Variants in STK32B observed in about 807,000 individuals in gnomAD.
The protein encoded by STK32B is serine/threonine kinase 32B, also known as serine/threonine-protein kinase 32B.
In STK32B, 43 loss-of-function variants were observed where a neutral mutation model predicts 52.6. That is an observed-to-expected ratio of 0.82 (90% CI 0.64 to 1.05). The LOEUF (loss-of-function observed/expected upper bound fraction) is 1.05, where lower values mean the gene tolerates loss of function less well. Ranked by LOEUF, STK32B falls within the 50% of genes least tolerant of loss-of-function variation. STK32B has a pLI of 0.00. For synonymous variants in STK32B, 238 were observed against 204.3 expected (o/e 1.17, Z -1.41); for missense variants, 621 against 534.6 (o/e 1.16, Z -1.59).
At chr4:5,099,521 G>A (rs534588567) in intron 1 of STK32B, among the ~76,000 whole-genome samples, 1 of 152,032 alleles carries the variant, frequency 6.6e-6, no homozygotes, top group Admixed American at 6.5e-5. Flanking sequence ...GGTGTGGCAG[G>A]GTTATGCCCA....
intron 5 of STK32B, among the ~76,000 whole-genome samples, chr4:5,403,031 G>T (rs1371734726): frequency 6.6e-6 from 1 of 152,204 alleles, no homozygotes; most frequent in Non-Finnish European, 1.5e-5. Flanking sequence ...CGTGGTCAGA[G>T]TGGATTTGTT....
chr4:5,253,073 A>T (rs4479644), intron 3 of STK32B, among the ~76,000 whole-genome samples: 38,653 of 151,882 alleles, frequency 0.25, 5,938 homozygotes, highest in African/African-American at 0.42. Flanking sequence ...CTTTCTTCCT[A>T]GGTTGTCAGG....
At chr4:5,158,659 G>C (rs954388829) in intron 2 of STK32B, among the ~76,000 whole-genome samples, 4 of 152,120 alleles carry the variant, frequency 2.6e-5, no homozygotes, top group African/African-American at 9.7e-5. Context: ...CAGTTCCGGA[G>C]GCTGAAGTCC....
intron 1 of STK32B, among the ~76,000 whole-genome samples, chr4:5,081,320 T>A (rs1195639978): frequency 6.6e-6 from 1 of 152,204 alleles, no homozygotes; most frequent in Non-Finnish European, 1.5e-5. Flanking sequence ...TTTTTAATAG[T>A]TTGATTGCAA....
At chr4:5,283,008 G>A (rs1728307782) in intron 3 of STK32B, among the ~76,000 whole-genome samples, 1 of 152,052 alleles carries the variant, frequency 6.6e-6, no homozygotes, top group Admixed American at 6.5e-5. Flanking sequence ...CTGTTCCATG[G>A]GTCTCAAAAC....
intron 3 of STK32B, among the ~76,000 whole-genome samples, chr4:5,253,005 C>T (rs59903427): frequency 0.029 from 4,392 of 152,196 alleles, 101 homozygotes; most frequent in South Asian, 0.045. Flanking sequence ...CTTACTCTTC[C>T]TAAGGGCTTG....
intron 4 of STK32B, among the ~76,000 whole-genome samples, chr4:5,360,800 C>T (rs1410277774): frequency 6.6e-6 from 1 of 152,076 alleles, no homozygotes; most frequent in African/African-American, 2.4e-5. Context: ...GAGCAAAACT[C>T]CGTCTCAAAC....
intron 3 of STK32B, among the ~76,000 whole-genome samples, chr4:5,323,539 A>C (rs1198834412): frequency 1.3e-5 from 2 of 152,204 alleles, no homozygotes; most frequent in Non-Finnish European, 1.5e-5. Flanking sequence ...AGAAGAGGCC[A>C]GAGAAAAAGG....
chr4:5,266,304 T>C (rs1452861067), intron 3 of STK32B, among the ~76,000 whole-genome samples: 2 of 152,230 alleles, frequency 1.3e-5, no homozygotes, highest in African/African-American at 4.8e-5. Flanking sequence ...AGCGCAGTTA[T>C]AAAACACACT....
rs894979210 is a variant in STK32B, at chr4:5,380,029, A to G, written c.435-18178A>G. Among the ~76,000 whole-genome samples the G allele has an allele frequency of 2.0e-5, 3 of 152,180 alleles. No homozygotes were observed. The highest frequency in any genetic ancestry group is 7.2e-5 in the African/African-American group (3 of 41,454). ...AGCTGTAGCTACCACCGTCAGAGAC[A>G]GGCCCTGAGGAAAACCACTGCCTCG... On this transcript the variant is annotated intron_variant, in intron 4 of 11. Coordinates refer to ENST00000282908, the MANE Select transcript of STK32B (RefSeq NM_018401.3). The surrounding 1 kb of genome is among the most constrained non-coding windows in gnomAD (Gnocchi z 4.3).
At chr4:5,233,044 C>T (rs1724382732) in intron 3 of STK32B, among the ~76,000 whole-genome samples, 1 of 152,152 alleles carries the variant, frequency 6.6e-6, no homozygotes, top group Admixed American at 6.6e-5. Flanking sequence ...TAACTCTGCC[C>T]ACATCTTTCT....
chr4:5,359,383 C>CAT (rs1388219507), intron 4 of STK32B, among the ~76,000 whole-genome samples: 946 of 69,128 alleles, frequency 0.014, 12 homozygotes, highest in African/African-American at 0.12. Flanking sequence ...ATCCAACCCT[C>CAT]CCTCCCTCCC....
rs900358388 is a variant in STK32B, at chr4:5,168,358, G to A, written c.168G>A (p.Lys56=). 6.2e-7 allele frequency: 1 copy of A among 1,613,828 alleles called. No homozygotes were observed. Among genetic ancestry groups the A allele is most frequent in the African/African-American group, 1.3e-5 (1 of 74,866 alleles). Residue 56 remains lysine, a synonymous_variant, in exon 3 of 12, where the codon AAG becomes AAA. Coordinates refer to ENST00000282908, the MANE Select transcript of STK32B (RefSeq NM_018401.3). ...KKMYAMKYMN[K]QKCIERDEVR... The stretch of plus-strand genomic sequence containing the variant: ...TGTATGCAATGAAGTACATGAACAA[G>A]CAGAAGTGCATCGAGAGGGATGAGG...
At chr4:5,462,170 T>C (rs1717077129) in intron 9 of STK32B, among the ~76,000 whole-genome samples, 2 of 151,942 alleles carry the variant, frequency 1.3e-5, no homozygotes, top group Admixed American at 6.6e-5. Context: ...TGTGTGTCTG[T>C]ACGTCTGTAT....
At chr4:5,278,228 A>G (rs1577283891) in intron 3 of STK32B, among the ~76,000 whole-genome samples, 1 of 152,338 alleles carries the variant, frequency 6.6e-6, no homozygotes, top group East Asian at 1.9e-4. Context: ...TTAAAAATTA[A>G]GTACAGAACT....
At chr4:5,256,281 A>G (rs1176866807) in intron 3 of STK32B, among the ~76,000 whole-genome samples, 1 of 152,224 alleles carries the variant, frequency 6.6e-6, no homozygotes, top group Non-Finnish European at 1.5e-5. Flanking sequence ...CATCTTTCAT[A>G]GATGTGTGAC....
At chr4:5,481,912 T>G (rs1486529303) in intron 11 of STK32B, among the ~76,000 whole-genome samples, 1 of 152,200 alleles carries the variant, frequency 6.6e-6, no homozygotes, top group Non-Finnish European at 1.5e-5. Flanking sequence ...CGGCATTATT[T>G]CTGAGGGCTC....
At chr4:5,288,291 G>A (rs1728676416) in intron 3 of STK32B, among the ~76,000 whole-genome samples, 1 of 152,108 alleles carries the variant, frequency 6.6e-6, no homozygotes, top group Non-Finnish European at 1.5e-5. Flanking sequence ...GTAACTCTTT[G>A]TTTAACATGA....
chr4:5,369,492 G>A (rs1393352437), intron 4 of STK32B, among the ~76,000 whole-genome samples: 1 of 151,984 alleles, frequency 6.6e-6, no homozygotes, highest in East Asian at 1.9e-4. Context: ...TGCAGCCAGG[G>A]GACAGAATGC....
Sources: allele counts gnomAD v4.1 joint callset (sites outside exome capture counted in the v4.1 genomes callset), GRCh38; gene constraint gnomAD v4.1.1; non-coding constraint Gnocchi (gnomAD v3.1); transcripts MANE v1.5; gene names NCBI Gene and HGNC (gene_info 2026-07-23, HGNC 2026-07-21).